CREB5: variants seen among roughly 807,000 people sequenced by gnomAD.
CREB5 encodes the protein cyclic AMP-responsive element-binding protein 5.
In CREB5, 19 loss-of-function variants were observed where a neutral mutation model predicts 57.1. The ratio of observed to expected loss-of-function variants is 0.33; its 90% CI spans 0.23 to 0.49. The LOEUF (loss-of-function observed/expected upper bound fraction) is 0.49. Ranked by LOEUF, CREB5 falls within the 20% of genes least tolerant of loss-of-function variation. The probability of loss-of-function intolerance (pLI) is 0.99; values close to 1 mark genes in which losing one functional copy is unlikely to be tolerated. For missense variants in CREB5, 579 were observed against 671.6 expected, an observed-to-expected ratio of 0.86 and a Z score of 1.52; for synonymous variants, 238 against 238.3, an observed-to-expected ratio of 1.00 and a Z score of 0.01.
At position 28,329,977 on chromosome 7, in the gene CREB5, C is replaced by T. The variant is rs118162742; in HGVS notation, c.-25+30536C>T. On this transcript the variant is annotated intron_variant, in intron 1 of 9. Transcript: ENST00000396299. ...TTAAGGATGGAATAATTTGAAACAC[C>T]TTTCCCACCAGTTCATCCACTCTGG... Among the ~76,000 whole-genome samples the T allele has an allele frequency of 4.7e-3, 714 of 152,296 alleles. 1 individual carries two copies. The highest frequency in any genetic ancestry group is 7.4e-3 in the Non-Finnish European group (502 of 68,020).
intron 5 of CREB5, among the ~76,000 whole-genome samples, chr7:28,612,764 C>T (rs774066194): frequency 1.4e-4 from 21 of 151,992 alleles, no homozygotes; most frequent in Admixed American, 1.1e-3. Flanking sequence ...AATTTCGTGT[C>T]AGAAATTACC....
At chr7:28,691,116 G>C (rs972685875) in intron 5 of CREB5, among the ~76,000 whole-genome samples, 1 of 152,186 alleles carries the variant, frequency 6.6e-6, no homozygotes, top group Non-Finnish European at 1.5e-5. Context: ...TCTATTCCTA[G>C]CTTGAATAAA....
intron 9 of CREB5, 71 bp downstream of exon 9, chr7:28,809,485 G>T: frequency 7.1e-7 from 1 of 1,414,398 alleles, no homozygotes; most frequent in South Asian, 1.4e-5. Context: ...GCCCTGACAG[G>T]CACTTGTTGA....
intron 5 of CREB5, among the ~76,000 whole-genome samples, chr7:28,649,659 T>A (rs942798106): frequency 6.6e-6 from 1 of 152,184 alleles, no homozygotes; most frequent in Non-Finnish European, 1.5e-5. Context: ...AGACCTTTTT[T>A]CATCATTCTC....
chr7:28,740,385 G>A (rs1804264395), intron 7 of CREB5, among the ~76,000 whole-genome samples: 1 of 152,122 alleles, frequency 6.6e-6, no homozygotes, highest in South Asian at 2.1e-4. Flanking sequence ...TTCCTCTGCT[G>A]GGAGTGTCTG....
Position 28,589,910 on chromosome 7 carries a change from G to A in CREB5, c.464+19373G>A, listed in dbSNP as rs147536501. On this transcript the variant is annotated intron_variant, in intron 5 of 10. Coordinates refer to ENST00000357727, the MANE Select transcript of CREB5 (RefSeq NM_182898.4). ...CTATGTCAGCTCCTCTACTCCCTCTGTATCATCTCCTTTGTCTTAAGTCTT... is the reference window on the plus strand; with the variant it reads ...CTATGTCAGCTCCTCTACTCCCTCTATATCATCTCCTTTGTCTTAAGTCTT... 2.4e-3 allele frequency among the ~76,000 whole-genome samples: 366 copies of A among 152,280 alleles called. 1 individual carries two copies. The highest frequency in any genetic ancestry group is 0.01 in the Middle Eastern group (3 of 294).
intron 7 of CREB5, among the ~76,000 whole-genome samples, chr7:28,761,397 T>C (rs1358201494): frequency 1.3e-5 from 2 of 152,110 alleles, no homozygotes; most frequent in Admixed American, 1.3e-4. Flanking sequence ...TGTTCTGAAA[T>C]TCACAGGTTT....
At chr7:28,345,199 C>T (rs1195510742) in intron 1 of CREB5, among the ~76,000 whole-genome samples, 2 of 151,620 alleles carry the variant, frequency 1.3e-5, no homozygotes, top group African/African-American at 2.4e-5. Context: ...CAAAGTGCAG[C>T]AGAATATACA....
chr7:28,373,142 G>C (rs577799441), intron 1 of CREB5, among the ~76,000 whole-genome samples: 1 of 152,118 alleles, frequency 6.6e-6, no homozygotes, highest in Non-Finnish European at 1.5e-5. Flanking sequence ...TAAGACCTGC[G>C]TTCTATCCCC....
At chr7:28,348,665 A>G (rs1326796032) in intron 1 of CREB5, among the ~76,000 whole-genome samples, 1 of 152,162 alleles carries the variant, frequency 6.6e-6, no homozygotes, top group Non-Finnish European at 1.5e-5. Flanking sequence ...CCGTCTTTCC[A>G]TTCACAAGTC....
chr7:28,661,908 A>C (rs964365569), intron 5 of CREB5, among the ~76,000 whole-genome samples: 2 of 152,236 alleles, frequency 1.3e-5, no homozygotes, highest in African/African-American at 4.8e-5. Context: ...ACAATCTGCA[A>C]ACACACCAGC....
At chr7:28,560,829 C>CGTGCGTGTGT in intron 4 of CREB5, among the ~76,000 whole-genome samples, 1 of 65,258 alleles carries the variant, frequency 1.5e-5, no homozygotes, top group African/African-American at 6.1e-5. Flanking sequence ...TGTGCGCGCG[C>CGTGCGTGTGT]GCGCGTGTGT....
Position 28,819,186 on chromosome 7 carries a change from C to T in CREB5, c.1434C>T (p.Thr478=). The T allele has an allele frequency of 6.2e-7, 1 of 1,613,872 alleles. No individual in the cohort carries two copies. Among genetic ancestry groups the T allele is most frequent in the Middle Eastern group, 1.7e-4 (1 of 6,058 alleles). ...AGCAACAAGTCATCCAGCATAATAC[C>T]ATCACTACTTCCTCATCGGTCAGCG... ...CSQQQVIQHN[T]ITTSSSVSEV... is the part of the protein sequence containing the mutation. The change falls in exon 11 of 11, where the codon ACC becomes ACT. Residue 478 remains threonine, a synonymous_variant. Coordinates refer to ENST00000357727, the MANE Select transcript of CREB5 (RefSeq NM_182898.4).
chr7:28,516,783 C>T (rs946356230), intron 4 of CREB5, among the ~76,000 whole-genome samples: 1 of 152,188 alleles, frequency 6.6e-6, no homozygotes, highest in Non-Finnish European at 1.5e-5. Flanking sequence ...CGCTTCTTAC[C>T]TGTCCCAAGG....
chr7:28,411,385 A>G (rs1787792865), upstream of CREB5, among the ~76,000 whole-genome samples: 2 of 152,106 alleles, frequency 1.3e-5, no homozygotes, highest in African/African-American at 4.8e-5. Flanking sequence ...CATACAATAA[A>G]TTGCTGCGTG....
chr7:28,380,949 A>T (rs914616651), intron 1 of CREB5, among the ~76,000 whole-genome samples: 1 of 152,180 alleles, frequency 6.6e-6, no homozygotes, highest in African/African-American at 2.4e-5. Context: ...TGTACCCTCC[A>T]TGAAATTATA....
At chr7:28,555,631 ACACTC>A (rs1583620828) in intron 4 of CREB5, among the ~76,000 whole-genome samples, 1 of 152,348 alleles carries the variant, frequency 6.6e-6, no homozygotes, top group East Asian at 1.9e-4. Context: ...TAACTGGACA[ACACTC>A]AAATATTTAC....
At chr7:28,321,118 C>T (rs749974309) in intron 1 of CREB5, among the ~76,000 whole-genome samples, 5 of 152,166 alleles carry the variant, frequency 3.3e-5, no homozygotes, top group Middle Eastern at 3.2e-3. Context: ...GGATTAAACA[C>T]GCTAGAGCAT....
chr7:28,499,577 C>G (rs13224567), intron 3 of CREB5, among the ~76,000 whole-genome samples: 34,771 of 151,962 alleles, frequency 0.23, 4,555 homozygotes, highest in African/African-American at 0.36. Flanking sequence ...ACACACAGAA[C>G]CGTGTGTCTT....
Sources: allele counts gnomAD v4.1 joint callset (sites outside exome capture counted in the v4.1 genomes callset), GRCh38; gene constraint gnomAD v4.1.1; transcripts MANE v1.5; gene names NCBI Gene and HGNC (gene_info 2026-07-23, HGNC 2026-07-21).